Variants in PRELID2 observed in about 807,000 individuals in gnomAD.
PRELID2 encodes PRELI domain containing 2.
A neutral mutation model predicts 28.4 loss-of-function variants in PRELID2; 25 were observed. The ratio of observed to expected loss-of-function variants is 0.88; its 90% CI spans 0.64 to 1.23. The LOEUF (loss-of-function observed/expected upper bound fraction) is 1.23, where lower values mean the gene tolerates loss of function less well. Among genes scored for constraint, PRELID2 ranks in the 50% most tolerant of loss-of-function variants. PRELID2 has a pLI of 0.00. For missense variants in PRELID2, 201 were observed against 214.4 expected (o/e 0.94, Z 0.39); for synonymous variants, 76 against 71.6 (o/e 1.06, Z -0.31).
At chr5:145,687,375 G>C (rs995338354) in intron 1 of PRELID2, among the ~76,000 whole-genome samples, 1 of 152,172 alleles carries the variant, frequency 6.6e-6, no homozygotes, top group Non-Finnish European at 1.5e-5. Flanking sequence ...CCCAGGTTGA[G>C]ATTCAATCTA....
At chr5:145,780,806 C>A (rs902946648) in intron 5 of PRELID2, among the ~76,000 whole-genome samples, 5 of 152,026 alleles carry the variant, frequency 3.3e-5, no homozygotes, top group Admixed American at 1.3e-4. Flanking sequence ...TTAATTATAG[C>A]CTTTAAATTC....
intron 1 of PRELID2, among the ~76,000 whole-genome samples, chr5:145,627,878 G>C (rs74819825): frequency 0.014 from 2,058 of 152,178 alleles, 43 homozygotes; most frequent in African/African-American, 0.046. Context: ...GTGCTAAGCA[G>C]GGCCTTGGTA....
chr5:145,752,862 T>C (rs1757161150), downstream of PRELID2, among the ~76,000 whole-genome samples: 1 of 152,230 alleles, frequency 6.6e-6, no homozygotes, highest in South Asian at 2.1e-4. Flanking sequence ...CTTTGGTTTC[T>C]GCAAGACTAA....
At chr5:145,828,083 A>G (rs1370484163) in intron 1 of PRELID2, among the ~76,000 whole-genome samples, 3 of 152,228 alleles carry the variant, frequency 2.0e-5, no homozygotes, top group Admixed American at 6.5e-5. Flanking sequence ...AAAATTAAAG[A>G]CACGATGTTA....
chr5:145,349,165 T>C, the PRELID2 span, among the ~76,000 whole-genome samples: 2 of 152,178 alleles, frequency 1.3e-5, no homozygotes, highest in Non-Finnish European at 2.9e-5. Context: ...AAAATACATA[T>C]GCTATTATTG....
intron 1 of PRELID2, among the ~76,000 whole-genome samples, chr5:145,695,520 C>T (rs1755241087): frequency 6.6e-6 from 1 of 152,222 alleles, no homozygotes; most frequent in South Asian, 2.1e-4. Context: ...CTCCAACCTG[C>T]TCTTCTTCCT....
rs565802698 is a variant in PRELID2 at position 145,782,345 on chromosome 5, C to A, written c.474+14097G>T. 3.9e-5 allele frequency among the ~76,000 whole-genome samples: 6 copies of A among 152,282 alleles called. No homozygotes were observed. The South Asian group carries it at 1.2e-3, about 32-fold the overall frequency. On this transcript the variant is annotated intron_variant, in intron 5 of 6. Coordinates refer to ENST00000683046, the MANE Select transcript of PRELID2 (RefSeq NM_205846.3). ...AAATTCCAGCTCTGCCACTTACTGG[C>A]TGATGACTTTGTGCAAGGAATTGGA... is the stretch of plus-strand genomic sequence containing the variant.
the PRELID2 span, among the ~76,000 whole-genome samples, chr5:145,416,883 C>T: frequency 0.22 from 32,675 of 151,780 alleles, 3,793 homozygotes; most frequent in South Asian, 0.33. Context: ...CCCAAAGTCT[C>T]ATCTGAGTCA....
the PRELID2 span, among the ~76,000 whole-genome samples, chr5:145,406,086 A>G: frequency 6.6e-6 from 1 of 152,102 alleles, no homozygotes; most frequent in Non-Finnish European, 1.5e-5. Flanking sequence ...ATGTTGTTAA[A>G]CCATTTATGA....
chr5:145,259,778 A>G, the PRELID2 span, among the ~76,000 whole-genome samples: 2 of 152,186 alleles, frequency 1.3e-5, no homozygotes, highest in Non-Finnish European at 2.9e-5. Context: ...AGAATTATTT[A>G]GGAATTTGGA....
rs115588274 is a variant in PRELID2 at position 145,636,135 on chromosome 5, C to A, written n.70+128796G>T. Among the ~76,000 whole-genome samples the A allele has an allele frequency of 1.3e-3, 197 of 152,316 alleles. 3 individuals carry two copies. The highest frequency in any genetic ancestry group is 4.6e-3 in the African/African-American group (193 of 41,582). ...TATTCTAAGCACTTTACATTCATTA[C>A]TATGTTTCATCCATACAACTCCCTA... is the stretch of plus-strand genomic sequence containing the variant. On this transcript the variant is annotated intron_variant and non_coding_transcript_variant, in intron 1 of 2. Transcript: ENST00000510259.
chr5:145,296,438 G>C, the PRELID2 span, among the ~76,000 whole-genome samples: 9 of 147,474 alleles, frequency 6.1e-5, no homozygotes, highest in African/African-American at 2.2e-4. Flanking sequence ...GAGAATATGC[G>C]GTGTTTGGTT....
chr5:145,710,145 A>C (rs1434846765), intron 1 of PRELID2, among the ~76,000 whole-genome samples: 1 of 152,142 alleles, frequency 6.6e-6, no homozygotes, highest in Non-Finnish European at 1.5e-5. Flanking sequence ...TTCCTCCATG[A>C]AGGTTTGGAC....
intron 1 of PRELID2, among the ~76,000 whole-genome samples, chr5:145,625,189 A>G (rs1753828115): frequency 6.6e-6 from 1 of 152,118 alleles, no homozygotes; most frequent in Non-Finnish European, 1.5e-5. Context: ...ACTTTCTCAT[A>G]TTTTTATAGT....
At chr5:145,627,079 G>C in intron 1 of PRELID2, among the ~76,000 whole-genome samples, 1 of 97,268 alleles carries the variant, frequency 1.0e-5, no homozygotes, top group Admixed American at 1.6e-4. Context: ...CAGCCTGGGT[G>C]ACAGAGTAAG....
At chr5:145,444,247 G>C in the PRELID2 span, among the ~76,000 whole-genome samples, 1 of 152,012 alleles carries the variant, frequency 6.6e-6, no homozygotes, top group African/African-American at 2.4e-5. Context: ...ATTTAATCTT[G>C]TTGGGCATAA....
chr5:145,617,395 T>A (rs554676476), intron 1 of PRELID2, among the ~76,000 whole-genome samples: 6 of 152,306 alleles, frequency 3.9e-5, no homozygotes, highest in African/African-American at 1.4e-4. Flanking sequence ...ATTATAAAAG[T>A]ATTAATTTGG....
chr5:145,508,092 G>T (rs1752427266), intron 1 of PRELID2, among the ~76,000 whole-genome samples: 1 of 152,016 alleles, frequency 6.6e-6, no homozygotes, highest in African/African-American at 2.4e-5. Context: ...TGCTTTTGTG[G>T]CAATAGTATA....
At chr5:145,631,755 T>A (rs937374747) in intron 1 of PRELID2, among the ~76,000 whole-genome samples, 28 of 152,206 alleles carry the variant, frequency 1.8e-4, no homozygotes, top group African/African-American at 6.8e-4. Flanking sequence ...TTCTTCCAAA[T>A]GTTCATTTAA....
Sources: gnomAD v4.1 joint callset for allele counts (sites outside exome capture counted in the v4.1 genomes callset) on GRCh38, gnomAD v4.1.1 for gene constraint, MANE v1.5 for transcripts, NCBI Gene and HGNC (gene_info 2026-07-23, HGNC 2026-07-21) for gene names.